Variants in FCHSD2 observed in about 807,000 individuals in gnomAD.
The protein encoded by FCHSD2 is F-BAR and double SH3 domains protein 2.
FCHSD2 carries 38 observed loss-of-function variants against 108.1 expected under a neutral mutation model. The observed-to-expected ratio is 0.35, with a 90% confidence interval of 0.27 to 0.46. The LOEUF (loss-of-function observed/expected upper bound fraction) is 0.46. FCHSD2 is among the 20% of genes least tolerant of loss of function. FCHSD2 has a pLI of 1.00. For synonymous variants in FCHSD2, 279 were observed against 314.7 expected (o/e 0.89, Z 1.20); for missense variants, 751 against 897.8 (o/e 0.84, Z 2.09).
intron 8 of FCHSD2, among the ~76,000 whole-genome samples, chr11:72,928,349 T>A (rs1167860571): frequency 6.6e-6 from 1 of 152,112 alleles, no homozygotes; most frequent in East Asian, 1.9e-4. Context: ...CCAACATAAC[T>A]CTCTCTCATT....
intron 3 of FCHSD2, among the ~76,000 whole-genome samples, chr11:73,031,794 G>A (rs1858367281): frequency 6.6e-6 from 1 of 152,136 alleles, no homozygotes; most frequent in South Asian, 2.1e-4. Context: ...AATCAGGTAA[G>A]AGCTGGCACA....
chr11:73,119,274 G>A (rs1396496495), intron 2 of FCHSD2, among the ~76,000 whole-genome samples: 2 of 149,744 alleles, frequency 1.3e-5, no homozygotes, highest in African/African-American at 4.9e-5. Flanking sequence ...TTGCATTCCA[G>A]CCTGCACAAC....
chr11:72,946,569 T>A (rs1008542542), intron 8 of FCHSD2, among the ~76,000 whole-genome samples: 17 of 152,110 alleles, frequency 1.1e-4, no homozygotes, highest in Non-Finnish European at 2.2e-4. Context: ...GACAATTACA[T>A]GGTCAATAAT....
intron 8 of FCHSD2, among the ~76,000 whole-genome samples, chr11:72,922,879 A>G (rs1322408772): frequency 6.6e-6 from 1 of 152,128 alleles, no homozygotes; most frequent in African/African-American, 2.4e-5. Flanking sequence ...AACAATTTCC[A>G]TTATCTAATT....
intron 2 of FCHSD2, among the ~76,000 whole-genome samples, chr11:73,130,995 T>C (rs1289710213): frequency 6.6e-6 from 1 of 152,204 alleles, no homozygotes; most frequent in African/African-American, 2.4e-5. Flanking sequence ...TTTGAAAGAA[T>C]ACTAATTGAG....
At chr11:72,895,647 G>C (rs1855402565) in intron 10 of FCHSD2, among the ~76,000 whole-genome samples, 1 of 152,204 alleles carries the variant, frequency 6.6e-6, no homozygotes, top group Non-Finnish European at 1.5e-5. Flanking sequence ...GACTAAACCA[G>C]TAGAGGGCCT....
chr11:72,881,426 TAC>T (rs898009310), intron 12 of FCHSD2, among the ~76,000 whole-genome samples: 5 of 152,336 alleles, frequency 3.3e-5, no homozygotes, highest in Non-Finnish European at 7.4e-5. Flanking sequence ...GGAACTGTTA[TAC>T]ACTGTTGGTG....
At chr11:72,986,663 C>G (rs1226529691) in intron 6 of FCHSD2, among the ~76,000 whole-genome samples, 2 of 152,144 alleles carry the variant, frequency 1.3e-5, no homozygotes, top group Non-Finnish European at 2.9e-5. Context: ...CCCAAATAGG[C>G]TGAGTTGCAT....
chr11:72,962,783 A>G (rs1856841231), intron 8 of FCHSD2, among the ~76,000 whole-genome samples: 1 of 152,190 alleles, frequency 6.6e-6, no homozygotes. Flanking sequence ...CACCAAAATG[A>G]TATCACAAAG....
chr11:72,989,163 C>T, intron 5 of FCHSD2, 66 bp from the exon 6 acceptor site: 1 of 1,365,968 alleles, frequency 7.3e-7, no homozygotes, highest in Non-Finnish European at 1.0e-6. Flanking sequence ...TGACTTCATC[C>T]TAAGGACTAT....
chr11:73,117,725 T>C (rs1860637256), intron 2 of FCHSD2, among the ~76,000 whole-genome samples: 4 of 152,222 alleles, frequency 2.6e-5, no homozygotes, highest in Admixed American at 2.6e-4. Context: ...CTAACATCCA[T>C]ATAGCCGCCA....
intron 2 of FCHSD2, among the ~76,000 whole-genome samples, chr11:73,115,512 T>C (rs563638326): frequency 1.3e-5 from 2 of 152,234 alleles, no homozygotes; most frequent in Non-Finnish European, 2.9e-5. Flanking sequence ...CTCTATACTT[T>C]CGTGTCGTTT....
At chr11:73,086,899 T>C (rs942708290) in intron 2 of FCHSD2, among the ~76,000 whole-genome samples, 1 of 152,222 alleles carries the variant, frequency 6.6e-6, no homozygotes, top group African/African-American at 2.4e-5. Context: ...ATCTGATATA[T>C]GCTACAATAT....
At chr11:73,097,066 A>C (rs1479135739) in intron 2 of FCHSD2, among the ~76,000 whole-genome samples, 1 of 125,594 alleles carries the variant, frequency 8.0e-6, no homozygotes, top group Non-Finnish European at 1.6e-5. Context: ...ATAGTGGCAC[A>C]ATCTCAGCTC....
rs527297703 is a variant in FCHSD2 at position 72,842,847 on chromosome 11, GA to G, written c.1706-7del. 121 of 1,610,124 alleles carry G rather than the reference GA, an allele frequency of 7.5e-5. No homozygotes were observed. The African/African-American group carries it at 1.5e-3, about 20-fold the overall frequency. The stretch of plus-strand genomic sequence containing the variant: ...AAGTGCTTTCACAAAACATACTAGG[GA>G]GCAAGAGAAAAACAAATCTGGTAAG... On this transcript the variant is annotated splice_region_variant and splice_polypyrimidine_tract_variant and intron_variant, in intron 16 of 19. Transcript: ENST00000409418.
At chr11:72,989,211 C>A in intron 5 of FCHSD2, 114 bp from the exon 6 acceptor site, 1 of 696,196 alleles carries the variant, frequency 1.4e-6, no homozygotes, top group Non-Finnish European at 2.3e-6. Context: ...GGGGAAAAGT[C>A]AGTACGTTCA....
At chr11:72,855,283 C>T (rs1861397595) in intron 13 of FCHSD2, among the ~76,000 whole-genome samples, 1 of 144,310 alleles carries the variant, frequency 6.9e-6, no homozygotes, top group Non-Finnish European at 1.5e-5. Flanking sequence ...GTCTCAAAAA[C>T]AAACAAACAA....
At chr11:73,057,272 A>T (rs930067152) in intron 3 of FCHSD2, among the ~76,000 whole-genome samples, 5 of 152,194 alleles carry the variant, frequency 3.3e-5, no homozygotes, top group African/African-American at 1.2e-4. Flanking sequence ...CCTAGGACAC[A>T]GTACACAGGT....
At chr11:72,940,448 A>T in intron 8 of FCHSD2, 1 of 648,144 alleles carries the variant, frequency 1.5e-6, no homozygotes, top group South Asian at 1.8e-5. Flanking sequence ...AATAAATAGT[A>T]AATAAGCTAT....
Sources: allele counts gnomAD v4.1 joint callset (sites outside exome capture counted in the v4.1 genomes callset), GRCh38; gene constraint gnomAD v4.1.1; transcripts MANE v1.5; gene names NCBI Gene and HGNC (gene_info 2026-07-23, HGNC 2026-07-21).